Variants in VAV3 observed in about 807,000 individuals in gnomAD.
VAV3 encodes guanine nucleotide exchange factor VAV3.
Under a neutral mutation model 131.2 loss-of-function variants are expected in VAV3, and 94 were observed. The observed-to-expected ratio is 0.72, with a 90% CI of 0.61 to 0.85. The LOEUF is 0.85. Among genes scored for constraint, VAV3 ranks in the 40% least tolerant of loss-of-function variants. VAV3 has a pLI of 0.00. For synonymous variants in VAV3, 349 were observed against 342.0 expected, an observed-to-expected ratio of 1.02 and a Z score of -0.22; for missense variants, 939 against 1,002.7, an observed-to-expected ratio of 0.94 and a Z score of 0.86.
intron 17 of VAV3, among the ~76,000 whole-genome samples, chr1:107,694,658 A>C (rs1041387341): frequency 6.6e-6 from 1 of 152,136 alleles, no homozygotes; most frequent in African/African-American, 2.4e-5. Context: ...GTGGAACCAA[A>C]ACTGTACAAT....
At chr1:107,590,187 C>T (rs1650834678) in intron 25 of VAV3, among the ~76,000 whole-genome samples, 1 of 152,134 alleles carries the variant, frequency 6.6e-6, no homozygotes, top group Non-Finnish European at 1.5e-5. Flanking sequence ...AGAATTGCTA[C>T]ACTATTTGTC....
chr1:107,643,301 A>T (rs915974944), intron 19 of VAV3, among the ~76,000 whole-genome samples: 2 of 152,318 alleles, frequency 1.3e-5, no homozygotes, highest in South Asian at 2.1e-4. Context: ...TTCAGGCTCA[A>T]ATTTAGGCTT....
chr1:107,782,424 A>C (rs1489943871), intron 2 of VAV3, among the ~76,000 whole-genome samples: 1 of 152,228 alleles, frequency 6.6e-6, no homozygotes, highest in East Asian at 1.9e-4. Flanking sequence ...CTATTAGTTT[A>C]GTCCTGAATT....
At chr1:107,654,067 A>G (rs113080726) in intron 19 of VAV3, among the ~76,000 whole-genome samples, 18 of 152,246 alleles carry the variant, frequency 1.2e-4, no homozygotes, top group African/African-American at 4.1e-4. Flanking sequence ...ACTTAAGTCC[A>G]GTTGCATATT....
chr1:107,795,364 A>T (rs1028239231), intron 2 of VAV3, among the ~76,000 whole-genome samples: 1 of 152,256 alleles, frequency 6.6e-6, no homozygotes, highest in Non-Finnish European at 1.5e-5. Context: ...CTCTTACAGG[A>T]CTATCAAACA....
chr1:107,684,339 C>A (rs1472615654), intron 18 of VAV3, among the ~76,000 whole-genome samples: 1 of 152,202 alleles, frequency 6.6e-6, no homozygotes, highest in African/African-American at 2.4e-5. Flanking sequence ...CTATGACTAT[C>A]ATACAATCTA....
At chr1:107,579,058 A>G (rs886196552) in intron 25 of VAV3, among the ~76,000 whole-genome samples, 8 of 152,232 alleles carry the variant, frequency 5.3e-5, no homozygotes, top group African/African-American at 1.7e-4. Flanking sequence ...CTCTGTTTCA[A>G]TTACAGAATA....
rs1490210379 is a variant in VAV3, at chr1:107,573,287, C to T, written c.*44G>A. 2 of 1,608,210 alleles carry T rather than the reference C, an allele frequency of 1.2e-6. No homozygotes were observed. Among genetic ancestry groups the T allele is most frequent in the East Asian group, 2.2e-5 (1 of 44,848 alleles). ...ATGCTGTGCAGGCTTCTATTTATCCCTTCTCTGAAATTTTTGGTGCAGGGT... is the reference window on the plus strand; with the variant it reads ...ATGCTGTGCAGGCTTCTATTTATCCTTTCTCTGAAATTTTTGGTGCAGGGT... On this transcript the variant is annotated 3_prime_UTR_variant, in exon 27 of 27. Coordinates refer to ENST00000370056, the MANE Select transcript of VAV3 (RefSeq NM_006113.5).
At position 107,766,461 on chromosome 1, in the gene VAV3, A is replaced by G; in HGVS notation, c.807T>C (p.Ile269=). The change falls in exon 8 of 27, where the codon ATT becomes ATC. Residue 269 remains isoleucine, a synonymous_variant. Transcript: ENST00000370056. ...KNDQNLYQVF[I]NYKERLVIYG... ...TCAAAAGTTACCTTTCCTTGTAGTT[A>G]ATAAAAACTTGGTACAAGTTCTGGT... is the stretch of plus-strand genomic sequence containing the variant. 1 of 1,610,178 alleles carries G rather than the reference A, an allele frequency of 6.2e-7. No individual in the cohort carries two copies.
At chr1:107,889,507 G>A (rs1274484618) in intron 1 of VAV3, among the ~76,000 whole-genome samples, 1 of 152,064 alleles carries the variant, frequency 6.6e-6, no homozygotes, top group Admixed American at 6.6e-5. Context: ...GACCATCTGT[G>A]GTGAACCAGG....
chr1:107,948,653 A>G (rs1674383264), intron 1 of VAV3, among the ~76,000 whole-genome samples: 1 of 152,110 alleles, frequency 6.6e-6, no homozygotes, highest in Non-Finnish European at 1.5e-5. Flanking sequence ...AGACCAGCCT[A>G]GCCAACATGG....
intron 17 of VAV3, among the ~76,000 whole-genome samples, chr1:107,696,550 C>T (rs935314713): frequency 4.6e-5 from 7 of 152,148 alleles, no homozygotes; most frequent in Non-Finnish European, 5.9e-5. Context: ...CCACACTGAT[C>T]CAATCAGGAT....
intron 1 of VAV3, among the ~76,000 whole-genome samples, chr1:107,905,331 G>T (rs1017182239): frequency 2.0e-4 from 31 of 152,202 alleles, no homozygotes; most frequent in African/African-American, 7.2e-4. Flanking sequence ...ACTCCTGTTT[G>T]CACATGGTTA....
At chr1:107,658,910 T>A (rs1037142292) in intron 19 of VAV3, among the ~76,000 whole-genome samples, 3 of 152,184 alleles carry the variant, frequency 2.0e-5, no homozygotes, top group Non-Finnish European at 4.4e-5. Flanking sequence ...GTCTGTTCAC[T>A]CTGATGGTGG....
chr1:107,954,688 G>A (rs951869168), intron 1 of VAV3, among the ~76,000 whole-genome samples: 2 of 150,554 alleles, frequency 1.3e-5, no homozygotes, highest in Non-Finnish European at 2.9e-5. Flanking sequence ...GACTAGTAAG[G>A]AGGTGCTATT....
At chr1:107,732,308 G>A (rs1349043616) in intron 15 of VAV3, among the ~76,000 whole-genome samples, 1 of 152,204 alleles carries the variant, frequency 6.6e-6, no homozygotes. Flanking sequence ...CGCAGAAGAC[G>A]GGTGATTTCT....
At chr1:107,753,549 T>TATATATATACACACACAC (rs771773884) in intron 12 of VAV3, among the ~76,000 whole-genome samples, 1 of 82,062 alleles carries the variant, frequency 1.2e-5, no homozygotes, top group Admixed American at 1.2e-4. Flanking sequence ...TATATATATA[T>TATATATATACACACACAC]ACACACACAC....
intron 25 of VAV3, chr1:107,576,301 T>C (rs1174229596): frequency 1.9e-6 from 2 of 1,054,988 alleles, no homozygotes; most frequent in Non-Finnish European, 2.6e-6. Flanking sequence ...TGAGGAGATG[T>C]ATCCGTATGA....
rs1570960172 is a variant in VAV3 at position 107,791,663 on chromosome 1, T to G, written c.322-12171A>C. 1.3e-5 allele frequency among the ~76,000 whole-genome samples: 2 copies of G among 152,192 alleles called. 1 individual carries two copies. The highest frequency in any genetic ancestry group is 1.3e-4 in the Admixed American group (2 of 15,276). On this transcript the variant is annotated intron_variant, in intron 2 of 26. Transcript: ENST00000370056. ...GATGGGGCCTTAGCATGAGAATTTT[T>G]TTAAAGCTTTCCAGTGATTCTAGTA...
Sources: gnomAD v4.1 joint callset for allele counts (sites outside exome capture counted in the v4.1 genomes callset) on GRCh38, gnomAD v4.1.1 for gene constraint, MANE v1.5 for transcripts, NCBI Gene and HGNC (gene_info 2026-07-23, HGNC 2026-07-21) for gene names.